SYNDIG1: variants seen among roughly 807,000 people sequenced by gnomAD.
SYNDIG1 encodes the protein synapse differentiation inducing 1, also known as synapse differentiation-inducing gene protein 1.
Under a neutral mutation model 19.4 loss-of-function variants are expected in SYNDIG1, and 9 were observed. The observed-to-expected ratio is 0.46, with a 90% CI of 0.28 to 0.81. The LOEUF (loss-of-function observed/expected upper bound fraction) is 0.81, where lower values mean the gene tolerates loss of function less well. SYNDIG1 is among the 30% of genes least tolerant of loss of function. The pLI is 0.12. For missense variants in SYNDIG1, 311 were observed against 343.3 expected, an observed-to-expected ratio of 0.91 and a Z score of 0.74; for synonymous variants, 141 against 145.9, an observed-to-expected ratio of 0.97 and a Z score of 0.24.
rs891044886 is a variant in SYNDIG1, at chr20:24,501,022, GA to G, written c.-79+31276del. The stretch of plus-strand genomic sequence containing the variant: ...CTAAAAAACACAAGAAATGAAACTT[GA>G]AAAAAAGATATTTCCTCAAACTGGC... On this transcript the variant is annotated intron_variant, in intron 1 of 3. Coordinates refer to ENST00000376862, the MANE Select transcript of SYNDIG1 (RefSeq NM_024893.3). 1.1e-4 allele frequency among the ~76,000 whole-genome samples: 17 copies of G among 152,018 alleles called. 1 individual carries two copies. The highest frequency in any genetic ancestry group is 3.6e-4 in the African/African-American group (15 of 41,476).
chr20:24,626,015 G>A (rs1326642365), intron 3 of SYNDIG1, among the ~76,000 whole-genome samples: 17 of 150,024 alleles, frequency 1.1e-4, no homozygotes, highest in Middle Eastern at 3.5e-3. Flanking sequence ...CCTCCCTCCC[G>A]GACGGGGTGG....
intron 2 of SYNDIG1, among the ~76,000 whole-genome samples, chr20:24,547,266 G>A (rs920155292): frequency 5.9e-5 from 9 of 152,232 alleles, no homozygotes; most frequent in Non-Finnish European, 1.3e-4. Flanking sequence ...TGCATCCCTG[G>A]CATTTATGAA....
intron 1 of SYNDIG1, among the ~76,000 whole-genome samples, chr20:24,485,020 G>A (rs1325589557): frequency 6.6e-6 from 1 of 152,074 alleles, no homozygotes; most frequent in Non-Finnish European, 1.5e-5. Flanking sequence ...ATAAAGCAAG[G>A]TTCCTCCTTC....
At chr20:24,653,069 G>A (rs1048160117) in intron 3 of SYNDIG1, among the ~76,000 whole-genome samples, 1 of 152,150 alleles carries the variant, frequency 6.6e-6, no homozygotes, top group African/African-American at 2.4e-5. Flanking sequence ...AGTAAAAAGG[G>A]ATCAGTTTCT....
At chr20:24,619,383 C>G (rs1231276598) in intron 3 of SYNDIG1, among the ~76,000 whole-genome samples, 2 of 152,230 alleles carry the variant, frequency 1.3e-5, no homozygotes, top group Non-Finnish European at 2.9e-5. Flanking sequence ...TTGTCATCAT[C>G]AAGTCTGTTC....
intron 3 of SYNDIG1, among the ~76,000 whole-genome samples, chr20:24,643,511 G>C (rs914778304): frequency 1.3e-5 from 2 of 152,194 alleles, no homozygotes; most frequent in Non-Finnish European, 2.9e-5. Context: ...ATCAGCTAGA[G>C]TGCTGTGCTT....
At chr20:24,487,069 T>G (rs1301506445) in intron 1 of SYNDIG1, among the ~76,000 whole-genome samples, 3 of 143,438 alleles carry the variant, frequency 2.1e-5, no homozygotes, top group African/African-American at 2.6e-5. Context: ...GGTCGGTGGA[T>G]GTGGGGTGGG....
At chr20:24,595,245 C>G (rs1260865079) in intron 3 of SYNDIG1, among the ~76,000 whole-genome samples, 1 of 152,054 alleles carries the variant, frequency 6.6e-6, no homozygotes, top group Non-Finnish European at 1.5e-5. Flanking sequence ...TATCAAAAGC[C>G]TTTTCTGCAT....
chr20:24,608,034 C>T (rs1044745553), intron 3 of SYNDIG1, among the ~76,000 whole-genome samples: 10 of 152,250 alleles, frequency 6.6e-5, no homozygotes, highest in Admixed American at 2.0e-4. Context: ...GCAGCTAAAC[C>T]CTCTAGTCTC....
intron 2 of SYNDIG1, among the ~76,000 whole-genome samples, chr20:24,546,801 G>T (rs1159320722): frequency 6.6e-6 from 1 of 151,214 alleles, no homozygotes; most frequent in African/African-American, 2.4e-5. Flanking sequence ...TTTTTCAGAT[G>T]GTCTAACTGA....
chr20:24,583,294 C>T (rs1328013240), intron 2 of SYNDIG1, among the ~76,000 whole-genome samples: 1 of 152,220 alleles, frequency 6.6e-6, no homozygotes, highest in Non-Finnish European at 1.5e-5. Context: ...GGCCCACCTG[C>T]ACTTTTGTCT....
chr20:24,568,292 A>T (rs2058087931), intron 2 of SYNDIG1, among the ~76,000 whole-genome samples: 2 of 152,198 alleles, frequency 1.3e-5, no homozygotes, highest in African/African-American at 4.8e-5. Flanking sequence ...GTGCTCATAA[A>T]AGGGACTATT....
Position 24,584,969 on chromosome 20 carries a change from C to G in SYNDIG1, c.594C>G (p.Ile198Met), listed in dbSNP as rs760748430. 6.2e-7 allele frequency: 1 copy of G among 1,613,236 alleles called. No homozygotes were observed. Among genetic ancestry groups the G allele is most frequent in the Non-Finnish European group, 8.5e-7 (1 of 1,179,854 alleles). Residue 198 changes from isoleucine (I) to methionine (M), a missense_variant, in exon 3 of 4, where the codon ATC becomes ATG. By Grantham distance (10) the Ile-to-Met change is conservative (BLOSUM62 1). Coordinates refer to ENST00000376862, the MANE Select transcript of SYNDIG1 (RefSeq NM_024893.3). ...SMLCCFWPLGIAAFYLSHETN... is the reference protein window; with the variant it reads ...SMLCCFWPLGMAAFYLSHETN... ...TCTGCTGCTTCTGGCCTCTGGGCATCGCAGCCTTCTACTTGTCCCATGAGG... is the reference window on the plus strand; with the variant it reads ...TCTGCTGCTTCTGGCCTCTGGGCATGGCAGCCTTCTACTTGTCCCATGAGG...
intron 2 of SYNDIG1, among the ~76,000 whole-genome samples, chr20:24,562,260 C>T (rs2057961230): frequency 1.3e-5 from 2 of 152,232 alleles, no homozygotes; most frequent in Admixed American, 1.3e-4. Context: ...GAGCCACCAG[C>T]ATGAATAACT....
chr20:24,518,425 G>A (rs1372178514), intron 1 of SYNDIG1, among the ~76,000 whole-genome samples: 1 of 152,162 alleles, frequency 6.6e-6, no homozygotes, highest in Non-Finnish European at 1.5e-5. Context: ...AGCAGGGATC[G>A]AGGGCAGCTT....
At chr20:24,518,223 G>A (rs959449895) in intron 1 of SYNDIG1, among the ~76,000 whole-genome samples, 1 of 152,080 alleles carries the variant, frequency 6.6e-6, no homozygotes, top group Non-Finnish European at 1.5e-5. Flanking sequence ...TTCAGTAGGA[G>A]GAGAAGGTTC....
chr20:24,495,829 T>C (rs1044732846), intron 1 of SYNDIG1: 3 of 152,126 alleles, frequency 2.0e-5, no homozygotes, highest in African/African-American at 7.2e-5. Context: ...ATTATTTCTG[T>C]TTTTATTTTT....
At chr20:24,622,524 A>T (rs2059054933) in intron 3 of SYNDIG1, among the ~76,000 whole-genome samples, 1 of 152,216 alleles carries the variant, frequency 6.6e-6, no homozygotes, top group African/African-American at 2.4e-5. Context: ...CTCCTGTCAG[A>T]TCACTGGTGG....
chr20:24,502,210 A>G (rs1193906151), intron 1 of SYNDIG1: 1 of 152,312 alleles, frequency 6.6e-6, no homozygotes, highest in Non-Finnish European at 1.5e-5. Context: ...CCACCTCCCA[A>G]GTGCACTCAG....
Sources: allele counts gnomAD v4.1 joint callset (sites outside exome capture counted in the v4.1 genomes callset), GRCh38; gene constraint gnomAD v4.1.1; transcripts MANE v1.5; gene names NCBI Gene and HGNC (gene_info 2026-07-23, HGNC 2026-07-21).